The following EP300 variants were observed in gnomAD, a reference collection of about 807,000 sequenced individuals.
The protein encoded by EP300 is histone acetyltransferase p300.
Under a neutral mutation model 264.0 loss-of-function variants are expected in EP300, and 31 were observed. The observed-to-expected ratio is 0.12, with a 90% CI of 0.09 to 0.16. The LOEUF is 0.16. EP300 is among the 10% of genes least tolerant of loss of function. The pLI, the probability that EP300 is intolerant of heterozygous loss-of-function variation, is 1.00. For missense variants in EP300, 2,766 were observed against 3,052.9 expected (o/e 0.91, Z 2.21); for synonymous variants, 1,340 against 1,045.4 (o/e 1.28, Z -5.44).
At chr22:41,152,773 T>TC (rs397975992) in intron 16 of EP300, among the ~76,000 whole-genome samples, 2 of 151,492 alleles carry the variant, frequency 1.3e-5, no homozygotes, top group Admixed American at 1.3e-4. Context: ...CTTTTTTGTT[T>TC]GGAATCGGAT....
At chr22:41,135,083 G>A (rs2058942972) in intron 6 of EP300, among the ~76,000 whole-genome samples, 1 of 152,002 alleles carries the variant, frequency 6.6e-6, no homozygotes, top group Non-Finnish European at 1.5e-5. Context: ...TTTTCTTTTA[G>A]TAGAGACAGG....
chr22:41,156,662 T>C (rs955813169), intron 17 of EP300, among the ~76,000 whole-genome samples: 1 of 151,972 alleles, frequency 6.6e-6, no homozygotes, highest in Admixed American at 6.6e-5. Context: ...GAGGCAGAGG[T>C]TGCACTGAGC....
In EP300 at chr22:41,157,427, A is replaced by G. The variant is rs1320201790; in HGVS notation, c.3501+19A>G. 6 of 1,572,350 alleles carry G rather than the reference A, an allele frequency of 3.8e-6. No homozygotes were observed. In the East Asian group the frequency reaches 9.5e-5, roughly 25 times the overall value. ...CAGAAAGGTAAGAAATGTGTTTCAG[A>G]TTTGACTTTAACTTTTCTGGGATAC... is the stretch of plus-strand genomic sequence containing the variant. On this transcript the variant is annotated intron_variant, in intron 18 of 30. Coordinates refer to ENST00000263253, the MANE Select transcript of EP300 (RefSeq NM_001429.4).
chr22:41,097,898 G>A (rs1462655081), intron 1 of EP300, among the ~76,000 whole-genome samples: 1 of 151,842 alleles, frequency 6.6e-6, no homozygotes, highest in Non-Finnish European at 1.5e-5. Flanking sequence ...GTTTCACCAT[G>A]TTGGCCATGA....
intron 2 of EP300, among the ~76,000 whole-genome samples, chr22:41,122,840 G>A (rs527690730): frequency 6.6e-6 from 1 of 152,068 alleles, no homozygotes; most frequent in Admixed American, 6.6e-5. Context: ...GAGGCTAGGA[G>A]TTCAGTCAAC....
chr22:41,174,701 T>C (rs2059190300), intron 29 of EP300: 2 of 152,264 alleles, frequency 1.3e-5, no homozygotes, highest in Admixed American at 6.5e-5. Flanking sequence ...AGACTCCTCA[T>C]TTTACTATCT....
intron 17 of EP300, among the ~76,000 whole-genome samples, chr22:41,155,885 C>T (rs773597396): frequency 1.3e-5 from 2 of 152,098 alleles, no homozygotes; most frequent in African/African-American, 4.8e-5. Flanking sequence ...GTTGTTTACA[C>T]GTTTTGACTA....
At chr22:41,111,337 T>TA (rs1175556195) in intron 1 of EP300, among the ~76,000 whole-genome samples, 3 of 152,214 alleles carry the variant, frequency 2.0e-5, no homozygotes, top group African/African-American at 7.2e-5. Flanking sequence ...TTCACTTTGA[T>TA]ACGTTTATAT....
intron 27 of EP300, among the ~76,000 whole-genome samples, chr22:41,170,962 C>CTTT (rs566562957): frequency 7.3e-6 from 1 of 136,608 alleles, no homozygotes. Context: ...CGTGCCCAGC[C>CTTT]TTTTTTTTTT....
In EP300 at chr22:41,170,584, A is replaced by G. The variant is rs1012561414; in HGVS notation, c.4452+13A>G. On this transcript the variant is annotated intron_variant, in intron 27 of 30. Coordinates refer to ENST00000263253, the MANE Select transcript of EP300 (RefSeq NM_001429.4). ...CCATGACTACAAGGTCAGTTGGGAC[A>G]TAGGGGCCAGGTGCTGACAATAGAT... The G allele has an allele frequency of 6.2e-7, 1 of 1,611,402 alleles. No homozygotes were observed. The highest frequency in any genetic ancestry group is 1.3e-5 in the African/African-American group (1 of 74,594).
At chr22:41,122,675 G>A (rs1357528838) in intron 2 of EP300, among the ~76,000 whole-genome samples, 2 of 146,082 alleles carry the variant, frequency 1.4e-5, no homozygotes, top group Non-Finnish European at 3.0e-5. Context: ...ACATTTTTTT[G>A]TTTTTTTTAA....
At chr22:41,157,121 T>TA (rs746305968) in intron 17 of EP300, 48 bp from the exon 18 acceptor site, 1 of 1,612,214 alleles carries the variant, frequency 6.2e-7, no homozygotes, top group South Asian at 1.1e-5. Context: ...CCATCTCCCG[T>TA]AAAAATAGTG....
Position 41,135,796 on chromosome 22 carries a change from A to G in EP300, c.1529-17A>G. 1 of 1,567,318 alleles carries G rather than the reference A, an allele frequency of 6.4e-7. No individual in the cohort carries two copies. The highest frequency in any genetic ancestry group is 1.1e-5 in the South Asian group (1 of 90,130). ...GTTGTATTTATTTCTGTCTCCTGTT[A>G]TTTCATTTTGACTTAGGTGCTAGTC... On this transcript the variant is annotated splice_polypyrimidine_tract_variant and intron_variant, in intron 6 of 30. Coordinates refer to ENST00000263253, the MANE Select transcript of EP300 (RefSeq NM_001429.4).
At chr22:41,124,721 C>T (rs1323672752) in intron 2 of EP300, among the ~76,000 whole-genome samples, 4 of 152,078 alleles carry the variant, frequency 2.6e-5, no homozygotes, top group East Asian at 1.9e-4. Flanking sequence ...AAGTTGAATT[C>T]GCCATGTAGC....
intron 25 of EP300, chr22:41,169,084 G>A (rs1398332606): frequency 1.6e-6 from 1 of 642,760 alleles, no homozygotes; most frequent in African/African-American, 1.8e-5. Flanking sequence ...AGTAATAAAG[G>A]ATATGAATAG....
intron 16 of EP300, among the ~76,000 whole-genome samples, chr22:41,153,620 C>T (rs1455303556): frequency 1.3e-5 from 2 of 152,098 alleles, no homozygotes; most frequent in South Asian, 2.1e-4. Flanking sequence ...TGTGGTGGCT[C>T]TCACCCGTAG....
At position 41,160,688 on chromosome 22, in the gene EP300, G is replaced by A. The variant is rs773284676; in HGVS notation, c.3637G>A (p.Val1213Ile). 9 of 1,614,034 alleles carry A rather than the reference G, an allele frequency of 5.6e-6. No individual in the cohort carries two copies. The highest frequency in any genetic ancestry group is 3.3e-5 in the Admixed American group (2 of 60,002). The part of the protein sequence containing the change: ...KCFNEIQGES[V>I]SLGDDPSQPQ... ...TTTCAATGAGATCCAAGGGGAGAGC[G>A]TTTCTTTGGGGGATGACCCTTCCCA... is the stretch of plus-strand genomic sequence containing the variant. Residue 1213 changes from valine to isoleucine, a missense_variant, in exon 20 of 31, where the codon GTT becomes ATT. Val to Ile is a conservative substitution (Grantham distance 29). Coordinates refer to ENST00000263253, the MANE Select transcript of EP300 (RefSeq NM_001429.4).
chr22:41,127,807 A>C, intron 4 of EP300, 59 bp downstream of exon 4: 1 of 1,601,540 alleles, frequency 6.2e-7, no homozygotes, highest in Non-Finnish European at 8.5e-7. Context: ...GAGAAGAAGG[A>C]AAATGTGATC....
chr22:41,140,314 T>G, intron 9 of EP300, 57 bp downstream of exon 9: 1 of 1,169,918 alleles, frequency 8.5e-7, no homozygotes, highest in Non-Finnish European at 1.3e-6. Context: ...GTGGTTATTT[T>G]ATTCCTCTTT....
Sources: allele counts gnomAD v4.1 joint callset (sites outside exome capture counted in the v4.1 genomes callset), GRCh38; gene constraint gnomAD v4.1.1; transcripts MANE v1.5; gene names NCBI Gene and HGNC (gene_info 2026-07-23, HGNC 2026-07-21).